COL22A1: variants seen among roughly 807,000 people sequenced by gnomAD.
The protein encoded by COL22A1 is collagen alpha-1(XXII) chain.
COL22A1 carries 221 observed loss-of-function variants against 248.9 expected under a neutral mutation model. The observed-to-expected ratio is 0.89, with a 90% CI of 0.80 to 0.99. The LOEUF is 0.99. Ranked by LOEUF, COL22A1 falls within the 50% of genes least tolerant of loss-of-function variation. The pLI, the probability that COL22A1 is intolerant of heterozygous loss-of-function variation, is 0.00. For synonymous variants in COL22A1, 891 were observed against 793.4 expected, an observed-to-expected ratio of 1.12 and a Z score of -2.07; for missense variants, 2,240 against 2,179.0, an observed-to-expected ratio of 1.03 and a Z score of -0.56.
intron 47 of COL22A1, among the ~76,000 whole-genome samples, chr8:138,642,442 C>T (rs1009552800): frequency 1.3e-5 from 2 of 152,180 alleles, no homozygotes; most frequent in South Asian, 4.1e-4. Context: ...GATCACATGC[C>T]CCAAGGACTT....
intron 34 of COL22A1, 28 bp from the exon 35 acceptor site, chr8:138,693,727 G>C: frequency 1.3e-6 from 2 of 1,555,836 alleles, no homozygotes; most frequent in Admixed American, 3.9e-5. Context: ...GAGGGGCGGG[G>C]GTAAGACACC....
intron 10 of COL22A1, 84 bp from the exon 11 acceptor site, chr8:138,803,018 T>C: frequency 9.4e-7 from 1 of 1,064,410 alleles, no homozygotes; most frequent in South Asian, 1.2e-5. Context: ...CGGCCAACCT[T>C]GCTCCAATTC....
At chr8:138,611,276 C>T (rs532943058) in intron 56 of COL22A1, among the ~76,000 whole-genome samples, 1 of 152,216 alleles carries the variant, frequency 6.6e-6, no homozygotes, top group African/African-American at 2.4e-5. Context: ...TTGCTGGATT[C>T]TTACAGCCTC....
rs780333289 is a variant in COL22A1, at chr8:138,655,892, T to G, written c.3333+5A>C. On this transcript the variant is annotated splice_donor_5th_base_variant and intron_variant, in intron 45 of 64. Coordinates refer to ENST00000303045, the MANE Select transcript of COL22A1 (RefSeq NM_152888.3). ...AACACATGCGCATTTATTGTATGCT[T>G]TTACCTTAGCCAAGAGATTTATGTC... 1 of 1,609,212 alleles carries G rather than the reference T, an allele frequency of 6.2e-7. No homozygotes were observed. Among genetic ancestry groups the G allele is most frequent in the Non-Finnish European group, 8.5e-7 (1 of 1,175,874 alleles).
At chr8:138,857,752 C>A (rs1822151972) in intron 3 of COL22A1, among the ~76,000 whole-genome samples, 1 of 152,218 alleles carries the variant, frequency 6.6e-6, no homozygotes, top group African/African-American at 2.4e-5. Context: ...GTCTGAGTGA[C>A]CCTGTGGTCC....
chr8:138,905,817 C>G (rs975522908), intron 1 of COL22A1, among the ~76,000 whole-genome samples: 5 of 152,180 alleles, frequency 3.3e-5, no homozygotes, highest in Non-Finnish European at 7.3e-5. Context: ...ACCTCATGAA[C>G]CTTATTCTTC....
chr8:138,674,332 C>T (rs76020585), intron 41 of COL22A1, among the ~76,000 whole-genome samples: 3,808 of 152,226 alleles, frequency 0.025, 74 homozygotes, highest in African/African-American at 0.048. Context: ...TGTACCCACC[C>T]CCACGCTGAC....
intron 1 of COL22A1, among the ~76,000 whole-genome samples, chr8:138,905,466 T>C (rs539600023): frequency 1.7e-4 from 26 of 152,214 alleles, no homozygotes; most frequent in African/African-American, 6.0e-4. Flanking sequence ...CCTTTCCCAG[T>C]TTAGAGCTCT....
At chr8:138,779,765 AT>A (rs890570821) in intron 13 of COL22A1, among the ~76,000 whole-genome samples, 1 of 151,580 alleles carries the variant, frequency 6.6e-6, no homozygotes, top group African/African-American at 2.4e-5. Flanking sequence ...TGCACACAGT[AT>A]TTTTTTTTCT....
chr8:138,747,763 C>A (rs11166840), intron 22 of COL22A1, among the ~76,000 whole-genome samples: 80,574 of 151,726 alleles, frequency 0.53, 23,157 homozygotes, highest in South Asian at 0.69. Flanking sequence ...CCAGTAGATA[C>A]AGAAGAAGAA....
intron 22 of COL22A1, among the ~76,000 whole-genome samples, chr8:138,747,270 T>TA (rs1159253720): frequency 6.6e-6 from 1 of 152,238 alleles, no homozygotes; most frequent in East Asian, 1.9e-4. Context: ...GCATTTAGGG[T>TA]ATATGAAGGT....
chr8:138,666,763 C>T (rs568650441), intron 41 of COL22A1, among the ~76,000 whole-genome samples: 1 of 152,310 alleles, frequency 6.6e-6, no homozygotes, highest in East Asian at 1.9e-4. Context: ...TCCCAGGATC[C>T]ACTTTGAGCA....
At chr8:138,755,067 T>C (rs1041759676) in intron 21 of COL22A1, 90 bp downstream of exon 21, 10 of 1,328,916 alleles carry the variant, frequency 7.5e-6, no homozygotes, top group Admixed American at 3.5e-5. Flanking sequence ...GATAATGCCA[T>C]GCTCAGCGCC....
chr8:138,656,029 A>G, intron 44 of COL22A1, 85 bp from the exon 45 acceptor site: 13 of 1,103,044 alleles, frequency 1.2e-5, no homozygotes, highest in African/African-American at 3.1e-5. Context: ...AAAGGACTTT[A>G]AAGTGTGACA....
chr8:138,711,854 A>C (rs1828999049), intron 30 of COL22A1, among the ~76,000 whole-genome samples: 1 of 152,238 alleles, frequency 6.6e-6, no homozygotes, highest in South Asian at 2.1e-4. Context: ...AGGCAGCCCC[A>C]GGGCAGGCCT....
At chr8:138,754,171 A>C (rs1308007714) in intron 21 of COL22A1, among the ~76,000 whole-genome samples, 2 of 152,218 alleles carry the variant, frequency 1.3e-5, no homozygotes, top group African/African-American at 4.8e-5. Flanking sequence ...CTTGCCAATA[A>C]TAGATCTGAA....
chr8:138,821,171 T>C lies in COL22A1; in HGVS notation c.1210A>G (p.Ile404Val). Residue 404 changes from isoleucine to valine, a missense_variant, in exon 7 of 65, where the codon ATT (isoleucine) becomes GTT (valine). Coordinates refer to ENST00000303045, the MANE Select transcript of COL22A1 (RefSeq NM_152888.3). The part of the protein sequence containing the change: ...ENIDIQGKTV[I>V]GKRLYDSVPI... Reference sequence around the variant, plus strand: ...ACACTGTCGTAGAGGCGCTTGCCAATCACAGTCTTGCCCTGGATGTCAATG... The same window carrying C: ...ACACTGTCGTAGAGGCGCTTGCCAACCACAGTCTTGCCCTGGATGTCAATG... 1 of 1,614,074 alleles carries C rather than the reference T, an allele frequency of 6.2e-7. No individual in the cohort carries two copies. Among genetic ancestry groups the C allele is most frequent in the Non-Finnish European group, 8.5e-7 (1 of 1,179,976 alleles).
At chr8:138,755,746 C>A (rs774310907) in intron 19 of COL22A1, 39 bp downstream of exon 19, 10 of 1,608,928 alleles carry the variant, frequency 6.2e-6, no homozygotes, top group Admixed American at 1.7e-5. Flanking sequence ...CCAATCCCAC[C>A]AGCACCTGCA....
chr8:138,808,420 T>G (rs1348099342), intron 9 of COL22A1, among the ~76,000 whole-genome samples: 2 of 152,204 alleles, frequency 1.3e-5, no homozygotes, highest in Non-Finnish European at 2.9e-5. Context: ...TACCTGAATA[T>G]ATCATCACTT....
Sources: allele counts gnomAD v4.1 joint callset (sites outside exome capture counted in the v4.1 genomes callset), GRCh38; gene constraint gnomAD v4.1.1; transcripts MANE v1.5; gene names NCBI Gene and HGNC (gene_info 2026-07-23, HGNC 2026-07-21).